PPFIA2: variants seen among roughly 807,000 people sequenced by gnomAD.
The protein encoded by PPFIA2 is liprin-alpha-2.
PPFIA2 carries 46 observed loss-of-function variants against 175.5 expected under a neutral mutation model. That is an observed-to-expected ratio of 0.26 (90% confidence interval 0.21 to 0.34). PPFIA2 has a LOEUF of 0.34. Among genes scored for constraint, PPFIA2 ranks in the 10% least tolerant of loss-of-function variants. The pLI is 1.00. For synonymous variants in PPFIA2, 568 were observed against 511.4 expected (o/e 1.11, Z -1.49); for missense variants, 1,179 against 1,506.1 (o/e 0.78, Z 3.60).
In PPFIA2 at chr12:81,413,769, G is replaced by A. The variant is rs1256722419; in HGVS notation, c.646-7866C>T. ...AATCGTTGTTTGTGGACAGAAAAATGGAATTCTAAGAGTGTCTAAGAAACT... is the reference window on the plus strand; with the variant it reads ...AATCGTTGTTTGTGGACAGAAAAATAGAATTCTAAGAGTGTCTAAGAAACT... On this transcript the variant is annotated intron_variant, in intron 7 of 32. Coordinates refer to ENST00000549396, the MANE Select transcript of PPFIA2 (RefSeq NM_003625.5). Among the ~76,000 whole-genome samples, 3 of 151,742 alleles carry A rather than the reference G, an allele frequency of 2.0e-5. No individual in the cohort carries two copies. In the East Asian group the frequency reaches 5.8e-4, roughly 29 times the overall value.
At position 81,676,855 on chromosome 12, in the gene PPFIA2, G is replaced by A. The variant is rs746764250; in HGVS notation, c.250-11C>T. On this transcript the variant is annotated splice_polypyrimidine_tract_variant and intron_variant, in intron 3 of 32. Coordinates refer to ENST00000549396, the MANE Select transcript of PPFIA2 (RefSeq NM_003625.5). ...TAGGGATTCGATATCCTGAAAAGGG[G>A]AGAGGTGTTGATTGTAAAGTGCTAC... The A allele has an allele frequency of 2.5e-6, 4 of 1,575,022 alleles. No individual in the cohort carries two copies. The Admixed American group carries it at 5.6e-5, about 22-fold the overall frequency.
chr12:81,645,197 A>C (rs2153523119), intron 4 of PPFIA2, among the ~76,000 whole-genome samples: 1 of 152,098 alleles, frequency 6.6e-6, no homozygotes, highest in East Asian at 1.9e-4. Flanking sequence ...GAGAGAAGGA[A>C]GGAAGGAAGG....
intron 4 of PPFIA2, among the ~76,000 whole-genome samples, chr12:81,584,915 AT>A (rs1197495717): frequency 8.3e-6 from 1 of 120,466 alleles, no homozygotes; most frequent in Non-Finnish European, 1.6e-5. Flanking sequence ...TATATTATAT[AT>A]TAATTATATT....
chr12:81,356,578 G>T (rs1258084951), intron 16 of PPFIA2, among the ~76,000 whole-genome samples: 1 of 152,020 alleles, frequency 6.6e-6, no homozygotes, highest in South Asian at 2.1e-4. Flanking sequence ...TGGGAGGATT[G>T]CTTGAGCTCA....
At position 81,568,532 on chromosome 12, in the gene PPFIA2, T is replaced by C. The variant is rs375537140; in HGVS notation, c.303+108259A>G. Among the ~76,000 whole-genome samples the C allele has an allele frequency of 6.6e-5, 10 of 152,306 alleles. No homozygotes were observed. The South Asian group carries it at 8.3e-4, about 13-fold the overall frequency. ...TGCTGGGTTAAGTTGCTTTTTCCCATGGCTGGCCCAATTGCAGGCCTTCAG... is the reference window on the plus strand; with the variant it reads ...TGCTGGGTTAAGTTGCTTTTTCCCACGGCTGGCCCAATTGCAGGCCTTCAG... On this transcript the variant is annotated intron_variant, in intron 4 of 32. Coordinates refer to ENST00000549396, the MANE Select transcript of PPFIA2 (RefSeq NM_003625.5).
intron 7 of PPFIA2, among the ~76,000 whole-genome samples, chr12:81,432,570 A>G (rs1248839609): frequency 1.3e-5 from 2 of 148,776 alleles, no homozygotes; most frequent in African/African-American, 5.0e-5. Flanking sequence ...GGTTCAAGCG[A>G]TTCTCCTGCC....
At chr12:81,422,273 G>T (rs1407794398) in intron 7 of PPFIA2, among the ~76,000 whole-genome samples, 7 of 151,790 alleles carry the variant, frequency 4.6e-5, no homozygotes, top group African/African-American at 1.7e-4. Context: ...GTAGAATTGT[G>T]TCTATATTAT....
At chr12:81,367,364 T>C (rs898490647) in intron 13 of PPFIA2, among the ~76,000 whole-genome samples, 194 bp from the exon 14 acceptor site, 2 of 151,596 alleles carry the variant, frequency 1.3e-5, no homozygotes, top group Non-Finnish European at 3.0e-5. Context: ...AATACATAAT[T>C]TAAATGGGAA....
At chr12:81,370,456 A>G (rs925792983) in intron 11 of PPFIA2, among the ~76,000 whole-genome samples, 2 of 151,892 alleles carry the variant, frequency 1.3e-5, no homozygotes, top group African/African-American at 2.4e-5. Flanking sequence ...AGGTTTAATT[A>G]GAAATTTTAA....
At chr12:81,387,210 T>C (rs2039169407) in intron 8 of PPFIA2, among the ~76,000 whole-genome samples, 1 of 152,188 alleles carries the variant, frequency 6.6e-6, no homozygotes, top group African/African-American at 2.4e-5. Flanking sequence ...TCTCCAACTA[T>C]TTAACAGGTG....
intron 8 of PPFIA2, among the ~76,000 whole-genome samples, chr12:81,404,502 C>T (rs1237703514): frequency 6.6e-6 from 1 of 152,110 alleles, no homozygotes; most frequent in African/African-American, 2.4e-5. Flanking sequence ...GGTGGTGTAT[C>T]TACTGAAGCA....
At chr12:81,647,528 G>A (rs1345028710) in intron 4 of PPFIA2, among the ~76,000 whole-genome samples, 1 of 151,774 alleles carries the variant, frequency 6.6e-6, no homozygotes, top group Non-Finnish European at 1.5e-5. Flanking sequence ...TTGGGAGGTC[G>A]AGGTGAGCAG....
chr12:81,324,184 G>A (rs530584662), intron 22 of PPFIA2, among the ~76,000 whole-genome samples: 66 of 152,086 alleles, frequency 4.3e-4, no homozygotes, highest in African/African-American at 1.5e-3. Context: ...AGGGTACTTA[G>A]TAGTTGAGAA....
intron 17 of PPFIA2, 101 bp downstream of exon 17, chr12:81,353,018 G>A (rs2060291667): frequency 1.0e-6 from 1 of 996,582 alleles, no homozygotes; most frequent in Non-Finnish European, 1.5e-6. Flanking sequence ...GATCTATTAA[G>A]CTCCCAGTTA....
In PPFIA2 at chr12:81,647,499, C is replaced by T. The variant is rs777662439; in HGVS notation, c.303+29292G>A. On this transcript the variant is annotated intron_variant, in intron 4 of 32. Transcript: ENST00000549396. ...AAATATGGCTGGGTGCGGTGGCTCA[C>T]GCCTGTAATCCCAGCACTTTGGGAG... Among the ~76,000 whole-genome samples the T allele has an allele frequency of 4.6e-5, 7 of 152,008 alleles. No homozygotes were observed. The South Asian group carries it at 1.0e-3, about 23-fold the overall frequency.
At chr12:81,316,110 C>T (rs1359950962) in intron 22 of PPFIA2, among the ~76,000 whole-genome samples, 2 of 150,966 alleles carry the variant, frequency 1.3e-5, no homozygotes, top group African/African-American at 2.4e-5. Flanking sequence ...ATACTTAATA[C>T]ACACACACAC....
At chr12:81,356,148 A>C (rs926570148) in intron 16 of PPFIA2, among the ~76,000 whole-genome samples, 1 of 152,092 alleles carries the variant, frequency 6.6e-6, no homozygotes, top group Non-Finnish European at 1.5e-5. Context: ...TAATTGATCT[A>C]CTTTCAATAT....
At chr12:81,758,551 C>G in intron 1 of PPFIA2, 44 bp from the exon 2 acceptor site, 1 of 397,698 alleles carries the variant, frequency 2.5e-6, no homozygotes, top group Admixed American at 2.6e-5. Flanking sequence ...ACGCGTGCCC[C>G]GGCGCCCTCC....
intron 3 of PPFIA2, among the ~76,000 whole-genome samples, chr12:81,705,366 G>T (rs34323675): frequency 6.7e-6 from 1 of 149,064 alleles, no homozygotes; most frequent in African/African-American, 2.5e-5. Context: ...TGAGGCAGGA[G>T]AATGGCATGA....
Sources: gnomAD v4.1 joint callset for allele counts (sites outside exome capture counted in the v4.1 genomes callset) on GRCh38, gnomAD v4.1.1 for gene constraint, MANE v1.5 for transcripts, NCBI Gene and HGNC (gene_info 2026-07-23, HGNC 2026-07-21) for gene names.